ZNF804B: variants seen among roughly 807,000 people sequenced by gnomAD.
The protein encoded by ZNF804B is zinc finger 804B.
A neutral mutation model predicts 101.4 loss-of-function variants in ZNF804B; 80 were observed. The observed-to-expected ratio is 0.79, with a 90% confidence interval of 0.66 to 0.95. The LOEUF (loss-of-function observed/expected upper bound fraction) is 0.95, where lower values mean the gene tolerates loss of function less well. Among genes scored for constraint, ZNF804B ranks in the 40% least tolerant of loss-of-function variants. ZNF804B has a pLI of 0.00. For missense variants in ZNF804B, 1,673 were observed against 1,561.9 expected (o/e 1.07, Z -1.20); for synonymous variants, 622 against 558.8 (o/e 1.11, Z -1.59).
Position 88,922,457 on chromosome 7 carries a change from A to G in ZNF804B, c.108+162373A>G, listed in dbSNP as rs143133128. Among the ~76,000 whole-genome samples the G allele has an allele frequency of 2.8e-4, 43 of 152,164 alleles. No individual in the cohort carries two copies. The East Asian group carries it at 4.8e-3, about 17-fold the overall frequency. ...AATTAGATTTTTACTAAACTGTTGCATTCTTAAAATTACTTTAATGAAAGT... is the reference window on the plus strand; with the variant it reads ...AATTAGATTTTTACTAAACTGTTGCGTTCTTAAAATTACTTTAATGAAAGT... On this transcript the variant is annotated intron_variant, in intron 1 of 3. Coordinates refer to ENST00000333190, the MANE Select transcript of ZNF804B (RefSeq NM_181646.5).
Position 89,054,008 on chromosome 7 carries a change from G to A in ZNF804B, c.109-164147G>A, listed in dbSNP as rs1789252460. 2.6e-5 allele frequency among the ~76,000 whole-genome samples: 4 copies of A among 151,984 alleles called. No homozygotes were observed. The South Asian group carries it at 8.3e-4, about 32-fold the overall frequency. ...ATATGGCTTTAACCTCTTTTAACCT[G>A]CACAATTACATTTTCACAACTATAG... is the stretch of plus-strand genomic sequence containing the variant. On this transcript the variant is annotated intron_variant, in intron 1 of 3. Coordinates refer to ENST00000333190, the MANE Select transcript of ZNF804B (RefSeq NM_181646.5).
chr7:89,242,613 G>T (rs904963578), intron 2 of ZNF804B, among the ~76,000 whole-genome samples: 4 of 151,024 alleles, frequency 2.6e-5, no homozygotes, highest in Non-Finnish European at 4.4e-5. Flanking sequence ...GAAGCCTTTA[G>T]GTCATATTAT....
At chr7:89,090,487 A>G (rs73707759) in intron 1 of ZNF804B, among the ~76,000 whole-genome samples, 3,703 of 152,184 alleles carry the variant, frequency 0.024, 158 homozygotes, top group African/African-American at 0.085. Flanking sequence ...ATCAACATGT[A>G]TTTGATAAAA....
intron 1 of ZNF804B, among the ~76,000 whole-genome samples, chr7:89,011,222 TG>T (rs1788456943): frequency 6.6e-6 from 1 of 152,138 alleles, no homozygotes; most frequent in Non-Finnish European, 1.5e-5. Context: ...GCTAACAGCA[TG>T]GGGAAAACCC....
intron 1 of ZNF804B, among the ~76,000 whole-genome samples, chr7:89,072,508 C>T (rs1789556991): frequency 6.6e-6 from 1 of 152,154 alleles, no homozygotes; most frequent in Non-Finnish European, 1.5e-5. Context: ...TGCACTATCT[C>T]ATCCAATCTG....
chr7:89,285,127 G>T (rs1790162971), intron 2 of ZNF804B, among the ~76,000 whole-genome samples: 1 of 152,094 alleles, frequency 6.6e-6, no homozygotes, highest in Non-Finnish European at 1.5e-5. Context: ...GCTGAGGCAG[G>T]AGGATAGCTT....
At chr7:89,052,706 A>G (rs926303270) in intron 1 of ZNF804B, among the ~76,000 whole-genome samples, 4 of 152,170 alleles carry the variant, frequency 2.6e-5, no homozygotes, top group Non-Finnish European at 5.9e-5. Context: ...CCATCTTACT[A>G]TGGCTTTCCT....
intron 2 of ZNF804B, among the ~76,000 whole-genome samples, chr7:89,242,457 C>G (rs1352549950): frequency 2.0e-5 from 3 of 151,740 alleles, no homozygotes; most frequent in African/African-American, 7.3e-5. Context: ...TCCACTGCCT[C>G]AAATAGACAC....
At chr7:89,161,005 A>T (rs1392861536) in intron 1 of ZNF804B, among the ~76,000 whole-genome samples, 3 of 152,092 alleles carry the variant, frequency 2.0e-5, no homozygotes, top group Admixed American at 2.0e-4. Context: ...TGCCCCTTGG[A>T]GCTGAACATT....
chr7:89,316,414 CATA>C (rs1392771608), intron 2 of ZNF804B, among the ~76,000 whole-genome samples: 1 of 152,070 alleles, frequency 6.6e-6, no homozygotes, highest in African/African-American at 2.4e-5. Flanking sequence ...CTCCCTTTAT[CATA>C]ATATGATAAT....
intron 2 of ZNF804B, among the ~76,000 whole-genome samples, chr7:89,276,162 C>A (rs1299295345): frequency 6.6e-6 from 1 of 151,650 alleles, no homozygotes; most frequent in Non-Finnish European, 1.5e-5. Context: ...CACACTGTGG[C>A]CTGTGGCAAG....
intron 1 of ZNF804B, among the ~76,000 whole-genome samples, chr7:89,163,706 G>T (rs1271246045): frequency 6.6e-6 from 1 of 152,050 alleles, no homozygotes; most frequent in Non-Finnish European, 1.5e-5. Context: ...AATTTTCAAT[G>T]ACTAAAGTTG....
chr7:88,763,464 A>C (rs1412773440), intron 1 of ZNF804B, among the ~76,000 whole-genome samples: 1 of 152,130 alleles, frequency 6.6e-6, no homozygotes. Flanking sequence ...CTGTGTGTGA[A>C]AAAATAGCAT....
intron 1 of ZNF804B, among the ~76,000 whole-genome samples, chr7:89,192,596 T>C (rs1259599938): frequency 1.3e-5 from 2 of 152,058 alleles, no homozygotes; most frequent in African/African-American, 4.8e-5. Context: ...CATTACCATT[T>C]ATACTGAAAC....
rs146329584 is a variant in ZNF804B, at chr7:89,032,450, T to C, written c.109-185705T>C. ...ACTAATAAATGAGATATAAGATTAA[T>C]GAGTCTTTAATTTTATATGAGATAG... On this transcript the variant is annotated intron_variant, in intron 1 of 3. Coordinates refer to ENST00000333190, the MANE Select transcript of ZNF804B (RefSeq NM_181646.5). 9.9e-5 allele frequency among the ~76,000 whole-genome samples: 15 copies of C among 152,272 alleles called. No individual in the cohort carries two copies. The East Asian group carries it at 2.9e-3, about 29-fold the overall frequency.
chr7:88,903,909 CT>C (rs1446801203), intron 1 of ZNF804B, among the ~76,000 whole-genome samples: 3 of 152,098 alleles, frequency 2.0e-5, no homozygotes, highest in African/African-American at 7.2e-5. Context: ...TCTGTTTACT[CT>C]GCTGATAGTT....
intron 1 of ZNF804B, among the ~76,000 whole-genome samples, chr7:88,856,424 T>A (rs1243800305): frequency 6.6e-6 from 1 of 152,190 alleles, no homozygotes; most frequent in Non-Finnish European, 1.5e-5. Context: ...TGTTGGTGTA[T>A]AAGAATGCTT....
intron 1 of ZNF804B, among the ~76,000 whole-genome samples, chr7:89,026,317 C>T (rs1053835532): frequency 6.6e-6 from 1 of 152,106 alleles, no homozygotes; most frequent in African/African-American, 2.4e-5. Context: ...CAATAGCTTA[C>T]ACATTTGTAA....
intron 1 of ZNF804B, among the ~76,000 whole-genome samples, chr7:88,787,878 G>C (rs2115675895): frequency 6.6e-6 from 1 of 152,224 alleles, no homozygotes; most frequent in Admixed American, 6.5e-5. Flanking sequence ...AGAAGAAATT[G>C]GAGTGAGGAA....
Sources: allele counts gnomAD v4.1 joint callset (sites outside exome capture counted in the v4.1 genomes callset), GRCh38; gene constraint gnomAD v4.1.1; transcripts MANE v1.5; gene names NCBI Gene and HGNC (gene_info 2026-07-23, HGNC 2026-07-21).